Variants in TBC1D19 observed in about 807,000 individuals in gnomAD.
The protein encoded by TBC1D19 is TBC1 domain family member 19.
TBC1D19 carries 60 observed loss-of-function variants against 89.0 expected under a neutral mutation model. That is an observed-to-expected ratio of 0.67 (90% CI 0.55 to 0.84). TBC1D19 has a LOEUF of 0.84. Among genes scored for constraint, TBC1D19 ranks in the 40% least tolerant of loss-of-function variants. The pLI, the probability that TBC1D19 is intolerant of heterozygous loss-of-function variation, is 0.00. For missense variants in TBC1D19, 500 were observed against 610.8 expected, an observed-to-expected ratio of 0.82 and a Z score of 1.91; for synonymous variants, 189 against 199.7, an observed-to-expected ratio of 0.95 and a Z score of 0.45.
chr4:26,666,450 G>A, intron 9 of TBC1D19, 45 bp downstream of exon 9: 1 of 1,518,898 alleles, frequency 6.6e-7, no homozygotes, highest in Non-Finnish European at 9.1e-7. Context: ...AAATGAGAGT[G>A]AGCCTAAGGT....
chr4:26,598,370 CTATG>C (rs1207734874), intron 1 of TBC1D19, among the ~76,000 whole-genome samples: 1 of 151,766 alleles, frequency 6.6e-6, no homozygotes, highest in Non-Finnish European at 1.5e-5. Context: ...AATTTTTACA[CTATG>C]TATGATAAAT....
chr4:26,706,177 CAG>C (rs1285712572), intron 13 of TBC1D19, among the ~76,000 whole-genome samples: 1 of 152,076 alleles, frequency 6.6e-6, no homozygotes, highest in Admixed American at 6.6e-5. Flanking sequence ...TTTTCTTTGT[CAG>C]AGTTTTGATT....
chr4:26,778,707 A>G, the TBC1D19 span, among the ~76,000 whole-genome samples: 1 of 152,254 alleles, frequency 6.6e-6, no homozygotes, highest in South Asian at 2.1e-4. Flanking sequence ...GACCAGCATC[A>G]TTGGCATTAC....
At chr4:26,629,622 G>GA (rs1742666826) in intron 4 of TBC1D19, among the ~76,000 whole-genome samples, 1 of 151,958 alleles carries the variant, frequency 6.6e-6, no homozygotes, top group Non-Finnish European at 1.5e-5. Context: ...CAGAAACACA[G>GA]AAACTTATGT....
intron 13 of TBC1D19, among the ~76,000 whole-genome samples, chr4:26,697,588 A>T (rs964920600): frequency 3.3e-5 from 5 of 151,014 alleles, no homozygotes; most frequent in African/African-American, 1.2e-4. Flanking sequence ...AATATCCCTG[A>T]TCAACATTGA....
intron 9 of TBC1D19, among the ~76,000 whole-genome samples, chr4:26,669,245 G>A (rs943806425): frequency 6.6e-6 from 1 of 151,730 alleles, no homozygotes; most frequent in Non-Finnish European, 1.5e-5. Flanking sequence ...TTATACTCAG[G>A]AGCACTCATA....
At chr4:26,820,020 C>T in the TBC1D19 span, among the ~76,000 whole-genome samples, 3 of 152,188 alleles carry the variant, frequency 2.0e-5, no homozygotes, top group Admixed American at 2.0e-4. Context: ...CAAACTTCAA[C>T]ATTTTTCTCT....
chr4:26,716,744 T>G (rs1428685390), intron 13 of TBC1D19, among the ~76,000 whole-genome samples: 1 of 152,082 alleles, frequency 6.6e-6, no homozygotes, highest in Non-Finnish European at 1.5e-5. Flanking sequence ...CTCAAATTAT[T>G]AAGACTGATG....
the TBC1D19 span, among the ~76,000 whole-genome samples, chr4:26,783,247 G>A: frequency 5.4e-4 from 82 of 152,322 alleles, no homozygotes; most frequent in Middle Eastern, 0.01. Flanking sequence ...GTCACGTGAA[G>A]GTCAGATTAT....
chr4:26,752,243 C>CTTT (rs758735137), intron 19 of TBC1D19, among the ~76,000 whole-genome samples: 8 of 128,902 alleles, frequency 6.2e-5, no homozygotes, highest in Admixed American at 7.7e-5. Context: ...ATATTTCTTT[C>CTTT]TTTTTTTTTT....
intron 7 of TBC1D19, among the ~76,000 whole-genome samples, chr4:26,656,063 A>C (rs1744781947): frequency 6.6e-6 from 1 of 152,036 alleles, no homozygotes; most frequent in Non-Finnish European, 1.5e-5. Context: ...CTAGAGTTTT[A>C]CTTAAAAATA....
At chr4:26,673,956 C>T in intron 11 of TBC1D19, 68 bp downstream of exon 11, 3 of 939,664 alleles carry the variant, frequency 3.2e-6, no homozygotes, top group African/African-American at 3.4e-5. Flanking sequence ...ACCAGTTATT[C>T]AAAATTGAAA....
intron 19 of TBC1D19, among the ~76,000 whole-genome samples, chr4:26,750,598 G>A (rs189334275): frequency 6.6e-6 from 1 of 152,266 alleles, no homozygotes; most frequent in Admixed American, 6.5e-5. Flanking sequence ...CTGTAAGCCA[G>A]GCACTCTTCT....
At chr4:26,588,273 C>T (rs948848398) in intron 1 of TBC1D19, among the ~76,000 whole-genome samples, 1 of 152,110 alleles carries the variant, frequency 6.6e-6, no homozygotes, top group African/African-American at 2.4e-5. Context: ...GATCCGCCCG[C>T]CTTGGCCTCC....
chr4:26,686,385 C>T (rs974408254), intron 12 of TBC1D19, among the ~76,000 whole-genome samples: 1 of 151,774 alleles, frequency 6.6e-6, no homozygotes, highest in Non-Finnish European at 1.5e-5. Context: ...TTGAACCCTC[C>T]CTAAGCTAAT....
chr4:26,700,010 A>G (rs185041547), intron 13 of TBC1D19, among the ~76,000 whole-genome samples: 2 of 152,038 alleles, frequency 1.3e-5, no homozygotes, highest in Admixed American at 6.5e-5. Context: ...CTTAAAGTAT[A>G]ATAATAATAA....
At chr4:26,828,104 G>A in the TBC1D19 span, among the ~76,000 whole-genome samples, 2 of 152,164 alleles carry the variant, frequency 1.3e-5, no homozygotes, top group African/African-American at 4.8e-5. Flanking sequence ...GTCCCCAGGA[G>A]GCTTATGAAG....
At chr4:26,677,029 C>T (rs1001941595) in intron 11 of TBC1D19, among the ~76,000 whole-genome samples, 1 of 152,136 alleles carries the variant, frequency 6.6e-6, no homozygotes, top group African/African-American at 2.4e-5. Context: ...CCTAAGCACT[C>T]GTGTATCTCA....
At chr4:26,756,621 T>C (rs1025606924), downstream of TBC1D19, among the ~76,000 whole-genome samples, 5 of 152,178 alleles carry the variant, frequency 3.3e-5, no homozygotes, top group African/African-American at 1.2e-4. Flanking sequence ...TAAGGACCTG[T>C]AGGACCAAAT....
Sources: allele counts gnomAD v4.1 joint callset (sites outside exome capture counted in the v4.1 genomes callset), GRCh38; gene constraint gnomAD v4.1.1; transcripts MANE v1.5; gene names NCBI Gene and HGNC (gene_info 2026-07-23, HGNC 2026-07-21).